U2SURP: variants seen among roughly 807,000 people sequenced by gnomAD.
U2SURP encodes the protein U2 snRNP-associated SURP motif-containing protein.
In U2SURP, 9 loss-of-function variants were observed where a neutral mutation model predicts 144.9. The ratio of observed to expected loss-of-function variants is 0.06; its 90% confidence interval spans 0.04 to 0.11. The LOEUF (loss-of-function observed/expected upper bound fraction) is 0.11. U2SURP is among the 10% of genes least tolerant of loss of function. U2SURP has a pLI of 1.00. For missense variants in U2SURP, 724 were observed against 1,226.7 expected (o/e 0.59, Z 6.12); for synonymous variants, 408 against 396.8 (o/e 1.03, Z -0.33).
chr3:143,012,246 A>G lies in U2SURP; in HGVS notation c.115A>G (p.Ser39Gly), dbSNP rs762035306. 1 of 1,613,122 alleles carries G rather than the reference A, an allele frequency of 6.2e-7. No homozygotes were observed. The highest frequency in any genetic ancestry group is 1.1e-5 in the South Asian group (1 of 90,980). Residue 39 changes from serine to glycine, a missense_variant, in exon 3 of 28, where the codon AGT becomes GGT. Ser to Gly is a moderately conservative substitution (Grantham distance 56). Coordinates refer to ENST00000473835, the MANE Select transcript of U2SURP (RefSeq NM_001080415.2). ...AHMDASGPSDSDMPSRTRPKS... is the reference protein window; with the variant it reads ...AHMDASGPSDGDMPSRTRPKS... Reference sequence around the variant, plus strand: ...GATGGATGCATCTGGACCCTCAGATAGTGATATGCCAAGTCGGACACGACC... The same window carrying G: ...GATGGATGCATCTGGACCCTCAGATGGTGATATGCCAAGTCGGACACGACC...
intron 13 of U2SURP, chr3:143,024,411 A>G (rs1016719805): frequency 5.0e-6 from 2 of 398,568 alleles, no homozygotes; most frequent in South Asian, 3.8e-5. Flanking sequence ...TCTGCATTTA[A>G]TATATAACCT....
chr3:143,021,255 C>A (rs914099871), intron 8 of U2SURP, 95 bp from the exon 9 acceptor site: 67 of 1,342,688 alleles, frequency 5.0e-5, no homozygotes, highest in Non-Finnish European at 6.7e-5. Context: ...CTCAGAAATA[C>A]CTTACTGTAA....
rs1405514739 is a variant in U2SURP, at chr3:143,010,812, T to C, written c.46-3T>C. The C allele has an allele frequency of 6.2e-7, 1 of 1,604,978 alleles. No homozygotes were observed. Among genetic ancestry groups the C allele is most frequent in the Non-Finnish European group, 8.5e-7 (1 of 1,174,764 alleles). ...TATTGACTTTTATTTTTGATACTTG[T>C]AGACGAGATCATCAGATGTTCATTC... On this transcript the variant is annotated splice_region_variant and splice_polypyrimidine_tract_variant and intron_variant, in intron 1 of 27. Transcript: ENST00000473835.
chr3:143,024,603 A>G (rs1359810512), intron 13 of U2SURP: 15 of 374,312 alleles, frequency 4.0e-5, no homozygotes, highest in South Asian at 3.1e-4. Context: ...TCAACACACT[A>G]TTAAAGCAGA....
intron 23 of U2SURP, 46 bp from the exon 24 acceptor site, chr3:143,043,071 C>G (rs375158449): frequency 6.6e-7 from 1 of 1,516,312 alleles, no homozygotes; most frequent in South Asian, 1.3e-5. Flanking sequence ...AAATATGGTA[C>G]TCTCTTGCTG....
chr3:143,033,339 T>C lies in U2SURP; in HGVS notation c.1842T>C (p.Tyr614=). 6.6e-7 allele frequency: 1 copy of C among 1,505,048 alleles called. No homozygotes were observed. The highest frequency in any genetic ancestry group is 9.0e-7 in the Non-Finnish European group (1 of 1,106,660). The allele number at this position is 1,505,048 out of a possible 1,614,324, so 93.2% of individuals were successfully genotyped here. ...NSSAKVANAS[Y]YRKFFETKLC... ...CAGCCAAAGTTGCTAATGCTTCATA[T>C]TATAGAAAATTGTAAGTATAATGAT... The change falls in exon 18 of 28, where the codon TAT becomes TAC. Residue 614 remains tyrosine (Y), a synonymous_variant. Coordinates refer to ENST00000473835, the MANE Select transcript of U2SURP (RefSeq NM_001080415.2).
At chr3:143,017,003 T>A in intron 6 of U2SURP, 28 bp downstream of exon 6, 1 of 1,548,302 alleles carries the variant, frequency 6.5e-7, no homozygotes, top group Non-Finnish European at 8.6e-7. Context: ...AATTGACCAT[T>A]TATGTTCAGA....
intron 19 of U2SURP, among the ~76,000 whole-genome samples, chr3:143,035,661 TA>T (rs1387673208): frequency 6.6e-6 from 1 of 152,162 alleles, no homozygotes; most frequent in African/African-American, 2.4e-5. Context: ...CCAGTTTTAG[TA>T]AGTTTCTATG....
At chr3:143,016,567 A>T (rs1479674457) in intron 5 of U2SURP, among the ~76,000 whole-genome samples, 196 bp downstream of exon 5, 1 of 152,190 alleles carries the variant, frequency 6.6e-6, no homozygotes, top group Non-Finnish European at 1.5e-5. Context: ...TCAATTAATG[A>T]GATGCTGAAG....
intron 24 of U2SURP, among the ~76,000 whole-genome samples, chr3:143,050,688 A>G (rs1294277081): frequency 6.6e-6 from 1 of 152,096 alleles, no homozygotes; most frequent in Non-Finnish European, 1.5e-5. Flanking sequence ...AATTGTGTTG[A>G]GAGAATAAGT....
chr3:143,055,345 T>C (rs1310374679), intron 27 of U2SURP, among the ~76,000 whole-genome samples: 1 of 152,144 alleles, frequency 6.6e-6, no homozygotes. Context: ...CCAAGAATTT[T>C]AAACATCATA....
rs1054206638 is a variant in U2SURP, at chr3:143,054,420, T to C, written c.2775-523T>C. On this transcript the variant is annotated intron_variant, in intron 26 of 27. Transcript: ENST00000473835. ...AGTTACAAATAACAAGTTATGCCAATTGGTTAAAAGTCTGTCACTTTTTTG... is the reference window on the plus strand; with the variant it reads ...AGTTACAAATAACAAGTTATGCCAACTGGTTAAAAGTCTGTCACTTTTTTG... 2.6e-5 allele frequency among the ~76,000 whole-genome samples: 4 copies of C among 152,200 alleles called. No homozygotes were observed. The East Asian group carries it at 5.8e-4, about 22-fold the overall frequency.
intron 24 of U2SURP, among the ~76,000 whole-genome samples, chr3:143,044,031 G>A (rs896765172): frequency 1.3e-4 from 20 of 152,066 alleles, no homozygotes; most frequent in Admixed American, 9.2e-4. Flanking sequence ...GGGATTACAG[G>A]TGTCAGCCAC....
intron 24 of U2SURP, among the ~76,000 whole-genome samples, chr3:143,049,927 ATTTG>A (rs936532049): frequency 5.3e-5 from 8 of 152,038 alleles, no homozygotes; most frequent in South Asian, 2.1e-4. Flanking sequence ...TATTACATGT[ATTTG>A]TTTGTGTGGA....
At chr3:143,001,704 G>C (rs201100859) in intron 1 of U2SURP, 31 bp downstream of exon 1, 3 of 1,613,016 alleles carry the variant, frequency 1.9e-6, no homozygotes, top group Admixed American at 1.7e-5. Flanking sequence ...GTAAGTCAGC[G>C]GATCTACCAC....
chr3:143,022,975 C>T lies in U2SURP; in HGVS notation c.1141C>T (p.Leu381=), dbSNP rs764766766. Residue 381 remains leucine (L), a synonymous_variant, in exon 12 of 28, where the codon CTG becomes TTG. Transcript: ENST00000473835. ...EHTLPPPPSG[L]PFNAQPRERL... ...TACGCTTCCCCCACCTCCATCCGGA[C>T]TGCCTTTTAATGCGCAGCCTAGAGA... is the stretch of plus-strand genomic sequence containing the variant. 1 of 1,612,252 alleles carries T rather than the reference C, an allele frequency of 6.2e-7. No homozygotes were observed. Among genetic ancestry groups the T allele is most frequent in the East Asian group, 2.2e-5 (1 of 44,838 alleles).
chr3:143,014,277 A>G, intron 3 of U2SURP, 34 bp from the exon 4 acceptor site: 1 of 1,427,722 alleles, frequency 7.0e-7, no homozygotes, highest in South Asian at 1.3e-5. Context: ...AGCATTAAGA[A>G]TCTATATGTA....
At chr3:143,021,253 T>A in intron 8 of U2SURP, 97 bp from the exon 9 acceptor site, 1 of 1,319,622 alleles carries the variant, frequency 7.6e-7, no homozygotes, top group Non-Finnish European at 1.1e-6. Context: ...CTCTCAGAAA[T>A]ACCTTACTGT....
intron 24 of U2SURP, among the ~76,000 whole-genome samples, chr3:143,045,166 C>A (rs1357234008): frequency 6.6e-6 from 1 of 151,812 alleles, no homozygotes; most frequent in African/African-American, 2.4e-5. Context: ...GTCAGGAGAT[C>A]GAGAATATCC....
Sources: gnomAD v4.1 joint callset for allele counts (sites outside exome capture counted in the v4.1 genomes callset) on GRCh38, gnomAD v4.1.1 for gene constraint, MANE v1.5 for transcripts, NCBI Gene and HGNC (gene_info 2026-07-23, HGNC 2026-07-21) for gene names.